Variants in ERG observed in about 807,000 individuals in gnomAD.
The protein encoded by ERG is transcriptional regulator ERG.
A neutral mutation model predicts 55.3 loss-of-function variants in ERG; 9 were observed. The ratio of observed to expected loss-of-function variants is 0.16; its 90% confidence interval spans 0.10 to 0.28. The LOEUF is 0.28. ERG is among the 10% of genes least tolerant of loss of function. The pLI, the probability that ERG is intolerant of heterozygous loss-of-function variation, is 1.00. For synonymous variants in ERG, 223 were observed against 237.3 expected (o/e 0.94, Z 0.55); for missense variants, 434 against 631.6 (o/e 0.69, Z 3.35).
rs140728206 is a variant in ERG, at chr21:38,380,469, T to C, written c.*2934A>G. 179 of 1,064,702 alleles carry C rather than the reference T, an allele frequency of 1.7e-4. No individual in the cohort carries two copies. The African/African-American group carries it at 2.7e-3, about 16-fold the overall frequency. 66.0% of individuals were successfully genotyped at this position (1,064,702 alleles called of 1,614,324 possible). The stretch of plus-strand genomic sequence containing the variant: ...ACCACATACAAGGCCCGAAAGCCAA[T>C]TGAAGACAAGAAAAGAAGACAAATC... On this transcript the variant is annotated 3_prime_UTR_variant, in exon 10 of 10. Coordinates refer to ENST00000288319, the MANE Select transcript of ERG (RefSeq NM_182918.4).
At chr21:38,470,987 C>T (rs1418928674) in intron 1 of ERG, 1 of 152,188 alleles carries the variant, frequency 6.6e-6, no homozygotes, top group African/African-American at 2.4e-5. Context: ...GTTTCTCTGT[C>T]CTCTAGGCAA....
intron 1 of ERG, among the ~76,000 whole-genome samples, chr21:38,576,963 T>C (rs1056462987): frequency 2.0e-5 from 3 of 152,242 alleles, no homozygotes. Flanking sequence ...AGCCAAGCCA[T>C]CAGTTCTTTT....
chr21:38,422,070 GA>G, intron 3 of ERG, among the ~76,000 whole-genome samples: 1 of 152,324 alleles, frequency 6.6e-6, no homozygotes, highest in Middle Eastern at 3.4e-3. Context: ...GGGAATGAAT[GA>G]AATCAAGAAA....
intron 2 of ERG, among the ~76,000 whole-genome samples, chr21:38,540,778 A>G (rs2059746397): frequency 1.3e-5 from 2 of 152,208 alleles, no homozygotes; most frequent in African/African-American, 4.8e-5. Flanking sequence ...CTGCCTCCAT[A>G]AAGTATGTGC....
chr21:38,505,308 A>G (rs1240895749), intron 2 of ERG, among the ~76,000 whole-genome samples: 5 of 152,134 alleles, frequency 3.3e-5, no homozygotes, highest in African/African-American at 1.2e-4. Flanking sequence ...TACGCTCCAC[A>G]TGGTATCCTC....
chr21:38,559,055 G>A (rs2146831659), intron 2 of ERG, among the ~76,000 whole-genome samples: 1 of 152,300 alleles, frequency 6.6e-6, no homozygotes, highest in Non-Finnish European at 1.5e-5. Context: ...GCCTCAGGCT[G>A]GAGGGTGTCT....
At chr21:38,480,886 T>G (rs1345163778) in intron 1 of ERG, among the ~76,000 whole-genome samples, 1 of 152,130 alleles carries the variant, frequency 6.6e-6, no homozygotes, top group Non-Finnish European at 1.5e-5. Context: ...CAGTTTTGTT[T>G]AAAAATTATG....
intron 3 of ERG, among the ~76,000 whole-genome samples, chr21:38,410,410 G>A (rs1988990045): frequency 6.6e-6 from 1 of 152,198 alleles, no homozygotes; most frequent in Non-Finnish European, 1.5e-5. Flanking sequence ...CTAAACAGAA[G>A]CCATCACTCT....
At chr21:38,521,662 A>G (rs2059595783) in intron 2 of ERG, among the ~76,000 whole-genome samples, 1 of 152,230 alleles carries the variant, frequency 6.6e-6, no homozygotes, top group African/African-American at 2.4e-5. Context: ...ACATAATTCA[A>G]GTGTGGAAGT....
chr21:38,650,419 T>C (rs2060481965), intron 1 of ERG, among the ~76,000 whole-genome samples: 1 of 152,214 alleles, frequency 6.6e-6, no homozygotes, highest in African/African-American at 2.4e-5. Flanking sequence ...GAGGACTGCC[T>C]GAACTCATGA....
intron 6 of ERG, among the ~76,000 whole-genome samples, chr21:38,397,596 C>CAAAAAAAAAAAA (rs61047146): frequency 3.0e-5 from 2 of 67,160 alleles, no homozygotes; most frequent in Middle Eastern, 0.011. Context: ...GACTCCATCT[C>CAAAAAAAAAAAA]AAAAAAAAAA....
chr21:38,533,706 C>A (rs1209133842), intron 2 of ERG, among the ~76,000 whole-genome samples: 7 of 152,136 alleles, frequency 4.6e-5, no homozygotes, highest in Non-Finnish European at 7.4e-5. Flanking sequence ...CTCATTAAAA[C>A]CAACACTTAG....
intron 1 of ERG, chr21:38,451,172 G>C (rs1032134257): frequency 4.0e-6 from 2 of 503,138 alleles, no homozygotes; most frequent in Non-Finnish European, 4.0e-6. Context: ...GAAAGATGAA[G>C]GGATAAGTGT....
chr21:38,647,845 A>T (rs937705170), intron 1 of ERG, among the ~76,000 whole-genome samples: 51 of 152,256 alleles, frequency 3.3e-4, no homozygotes, highest in African/African-American at 1.2e-3. Flanking sequence ...GCCAATGGGT[A>T]TTAAAGCACA....
intron 1 of ERG, among the ~76,000 whole-genome samples, chr21:38,616,365 A>G (rs2060259142): frequency 6.6e-6 from 1 of 152,174 alleles, no homozygotes; most frequent in South Asian, 2.1e-4. Flanking sequence ...GCACCTAGTG[A>G]ATGAATGATT....
rs1458853902 is a variant in ERG, at chr21:38,396,256, T to G, written c.746-3812A>C. On this transcript the variant is annotated intron_variant, in intron 6 of 9. Coordinates refer to ENST00000288319, the MANE Select transcript of ERG (RefSeq NM_182918.4). ...CTTCTTAAAATTCTACATCAAAGTTTGAGCATGGAGTTTTGGAAACATTTT... is the reference window on the plus strand; with the variant it reads ...CTTCTTAAAATTCTACATCAAAGTTGGAGCATGGAGTTTTGGAAACATTTT... 1.2e-4 allele frequency among the ~76,000 whole-genome samples: 19 copies of G among 152,254 alleles called. 1 individual carries two copies. The highest frequency in any genetic ancestry group is 1.2e-3 in the Admixed American group (19 of 15,288).
At chr21:38,594,190 C>T (rs1185325344) in intron 1 of ERG, among the ~76,000 whole-genome samples, 1 of 152,198 alleles carries the variant, frequency 6.6e-6, no homozygotes, top group Non-Finnish European at 1.5e-5. Context: ...ACCAGCTTTT[C>T]CATTTCCACT....
chr21:38,387,923 G>A (rs1987776846), intron 9 of ERG, among the ~76,000 whole-genome samples: 1 of 152,214 alleles, frequency 6.6e-6, no homozygotes, highest in Admixed American at 6.5e-5. Flanking sequence ...GTTGGCAAGG[G>A]TTGAAATCCA....
chr21:38,591,770 C>T (rs1341951022), intron 1 of ERG, among the ~76,000 whole-genome samples: 1 of 152,180 alleles, frequency 6.6e-6, no homozygotes, highest in African/African-American at 2.4e-5. Flanking sequence ...TTCACCCACC[C>T]AACATTTGCT....
Sources: allele counts gnomAD v4.1 joint callset (sites outside exome capture counted in the v4.1 genomes callset), GRCh38; gene constraint gnomAD v4.1.1; transcripts MANE v1.5; gene names NCBI Gene and HGNC (gene_info 2026-07-23, HGNC 2026-07-21).